EIF2S3B: variants seen among roughly 807,000 people sequenced by gnomAD.
EIF2S3B encodes the protein eukaryotic translation initiation factor 2 subunit gamma B.
Under a neutral mutation model 26.4 loss-of-function variants are expected in EIF2S3B, and 16 were observed. The observed-to-expected ratio is 0.61, with a 90% CI of 0.41 to 0.92. The LOEUF is 0.92. EIF2S3B is among the 40% of genes least tolerant of loss of function. The pLI, the probability that EIF2S3B is intolerant of heterozygous loss-of-function variation, is 0.00. For synonymous variants in EIF2S3B, 183 were observed against 204.4 expected (o/e 0.90, Z 0.89); for missense variants, 510 against 575.5 (o/e 0.89, Z 1.16).
downstream of EIF2S3B, among the ~76,000 whole-genome samples, chr12:10,508,845 T>C (rs776974503): frequency 3.8e-4 from 58 of 152,080 alleles, no homozygotes; most frequent in Non-Finnish European, 8.8e-5. Flanking sequence ...TATAAAAACT[T>C]GCGTGTACAT....
At chr12:10,516,761 T>C (rs930645307) in intron 1 of EIF2S3B, among the ~76,000 whole-genome samples, 1 of 152,024 alleles carries the variant, frequency 6.6e-6, no homozygotes, top group Admixed American at 6.6e-5. Flanking sequence ...CATAGATAGC[T>C]CTTATTATTT....
In EIF2S3B at chr12:10,507,365, C is replaced by G. The variant is rs10772300; in HGVS notation, c.*44C>G. 1,605,683 of 1,609,264 alleles carry G rather than the reference C, an allele frequency of 1. 801,111 individuals carry two copies. The highest frequency in any genetic ancestry group is 1 in the East Asian group (44,854 of 44,854). On this transcript the variant is annotated 3_prime_UTR_variant, in exon 1 of 1. Coordinates refer to ENST00000538173, the MANE Select transcript of EIF2S3B (RefSeq NM_001357734.3). ...TACATTCGGATGGAGCTGGAAGTTG[C>G]AATTTCTCTTTAACAACCAAGGGGT... is the stretch of plus-strand genomic sequence containing the variant.
exon 2 of EIF2S3B, chr12:10,522,675 A>G: frequency 1.4e-6 from 1 of 696,354 alleles, no homozygotes; most frequent in Non-Finnish European, 2.6e-6. Context: ...GACACAGAGG[A>G]AGTCTGCAGC....
downstream of EIF2S3B, among the ~76,000 whole-genome samples, chr12:10,508,525 C>CAAAA: frequency 1.4e-3 from 87 of 62,986 alleles, no homozygotes; most frequent in Middle Eastern, 0.014. Flanking sequence ...TGTTAGAAAG[C>CAAAA]AAAAAAAAAA....
rs1409777906 is a variant in EIF2S3B, at chr12:10,508,370, T to C, written c.*1049T>C. 6.6e-6 allele frequency among the ~76,000 whole-genome samples: 1 copy of C among 151,980 alleles called. No individual in the cohort carries two copies. The highest frequency in any genetic ancestry group is 6.6e-5 in the Admixed American group (1 of 15,250). On this transcript the variant is annotated 3_prime_UTR_variant, in exon 1 of 1. Coordinates refer to ENST00000538173, the MANE Select transcript of EIF2S3B (RefSeq NM_001357734.3). ...CCAATAGTCTTCCTCCATTGGAAAATACTGTTATACCAAATAATTCTAGAT... is the reference window on the plus strand; with the variant it reads ...CCAATAGTCTTCCTCCATTGGAAAACACTGTTATACCAAATAATTCTAGAT...
At chr12:10,517,960 A>C (rs1390531197) in intron 1 of EIF2S3B, among the ~76,000 whole-genome samples, 39 of 151,972 alleles carry the variant, frequency 2.6e-4, no homozygotes, top group African/African-American at 8.9e-4. Context: ...GTTTGATTGC[A>C]CTGTGGTCTG....
intron 1 of EIF2S3B, among the ~76,000 whole-genome samples, chr12:10,513,715 CAT>C (rs1864727321): frequency 6.6e-6 from 1 of 152,126 alleles, no homozygotes; most frequent in Non-Finnish European, 1.5e-5. Flanking sequence ...CCTTTAATAA[CAT>C]ATAAGAATCA....
chr12:10,514,341 T>A (rs1864734206), intron 1 of EIF2S3B, among the ~76,000 whole-genome samples: 3 of 152,158 alleles, frequency 2.0e-5, no homozygotes, highest in Admixed American at 1.3e-4. Flanking sequence ...CATAATATAA[T>A]ACTCCCTGAT....
At chr12:10,512,692 AG>A (rs1368241694), downstream of EIF2S3B, among the ~76,000 whole-genome samples, 1 of 152,062 alleles carries the variant, frequency 6.6e-6, no homozygotes, top group Non-Finnish European at 1.5e-5. Flanking sequence ...TTCCATCCCT[AG>A]TGTGGATATC....
intron 1 of EIF2S3B, among the ~76,000 whole-genome samples, chr12:10,521,013 T>G (rs949024606): frequency 6.6e-5 from 10 of 152,198 alleles, no homozygotes; most frequent in African/African-American, 2.4e-4. Flanking sequence ...GGCTGTCTTT[T>G]AGGTAATTTA....
At chr12:10,515,874 T>C (rs4237927) in intron 1 of EIF2S3B, among the ~76,000 whole-genome samples, 85,090 of 150,888 alleles carry the variant, frequency 0.56, 24,412 homozygotes, top group East Asian at 0.75. Flanking sequence ...TGTGTGTATA[T>C]TATATACATA....
In EIF2S3B at chr12:10,507,108, A is replaced by C. The variant is rs762295000; in HGVS notation, c.1206A>C (p.Glu402Asp). 1 of 1,613,732 alleles carries C rather than the reference A, an allele frequency of 6.2e-7. No individual in the cohort carries two copies. The highest frequency in any genetic ancestry group is 1.3e-5 in the African/African-American group (1 of 74,922). ...AGGTTCAAAAGCTGTCTAAGAATGA[A>C]GTGCTCATGGTGAACATAGGATCCC... is the stretch of plus-strand genomic sequence containing the variant. ...AAKVQKLSKN[E>D]VLMVNIGSLS... The change falls in exon 1 of 1, where the codon GAA becomes GAC. Residue 402 changes from glutamate (E) to aspartate (D), a missense_variant. Glu to Asp is a conservative substitution (Grantham distance 45, BLOSUM62 2). Transcript: ENST00000538173.
chr12:10,511,510 G>A (rs1864704182), downstream of EIF2S3B, among the ~76,000 whole-genome samples: 1 of 152,060 alleles, frequency 6.6e-6, no homozygotes, highest in African/African-American at 2.4e-5. Flanking sequence ...TGGAAGTACA[G>A]TCTGGGAAAA....
chr12:10,507,101 A>C lies in EIF2S3B; in HGVS notation c.1199A>C (p.Lys400Thr). 1.2e-6 allele frequency: 2 copies of C among 1,613,876 alleles called. No homozygotes were observed. Among genetic ancestry groups the C allele is most frequent in the Non-Finnish European group, 1.7e-6 (2 of 1,179,708 alleles). ...KKAAKVQKLS[K>T]NEVLMVNIGS... ...GCAGCAAAGGTTCAAAAGCTGTCTA[A>C]GAATGAAGTGCTCATGGTGAACATA... The change falls in exon 1 of 1, where the codon AAG becomes ACG. Residue 400 changes from lysine to threonine, a missense_variant. By Grantham distance (78) the Lys-to-Thr change is moderately conservative. Transcript: ENST00000538173.
At position 10,506,966 on chromosome 12, in the gene EIF2S3B, G is replaced by A. The variant is rs1285494028; in HGVS notation, c.1064G>A (p.Gly355Glu). The A allele has an allele frequency of 6.2e-7, 1 of 1,613,818 alleles. No individual in the cohort carries two copies. The highest frequency in any genetic ancestry group is 1.1e-5 in the South Asian group (1 of 91,076). Residue 355 changes from glycine to glutamate, a missense_variant, in exon 1 of 1, where the codon GGG becomes GAG. Physicochemically the swap from Gly to Glu is moderately conservative, Grantham distance 98. Transcript: ENST00000538173. ...PTLCRADRMV[G>E]QILGAVGALP... The stretch of plus-strand genomic sequence containing the variant: ...TTGTGCCGGGCTGACAGAATGGTGG[G>A]GCAAATACTTGGTGCAGTCGGAGCT...
chr12:10,515,639 G>A (rs1343405604), intron 1 of EIF2S3B, among the ~76,000 whole-genome samples: 1 of 151,784 alleles, frequency 6.6e-6, no homozygotes, highest in Admixed American at 6.6e-5. Context: ...TGTATAGAAA[G>A]GACATCAAAT....
At chr12:10,515,762 G>C (rs1565528541) in intron 1 of EIF2S3B, among the ~76,000 whole-genome samples, 1 of 151,532 alleles carries the variant, frequency 6.6e-6, no homozygotes, top group Non-Finnish European at 1.5e-5. Flanking sequence ...AAAAAACTTA[G>C]TGTTATTTTA....
chr12:10,507,136 T>C lies in EIF2S3B; in HGVS notation c.1234T>C (p.Ser412Pro), dbSNP rs764674327. 2 of 1,613,722 alleles carry C rather than the reference T, an allele frequency of 1.2e-6. No individual in the cohort carries two copies. Among genetic ancestry groups the C allele is most frequent in the Non-Finnish European group, 1.7e-6 (2 of 1,179,720 alleles). Residue 412 changes from serine to proline, a missense_variant, in exon 1 of 1, where the codon TCG (serine) becomes CCG (proline). Transcript: ENST00000538173. ...GCTCATGGTGAACATAGGATCCCTG[T>C]CGACAGGAGGGAGAGTTAGTGCTGT... ...EVLMVNIGSL[S>P]TGGRVSAVKA... is the part of the protein sequence containing the mutation.
At chr12:10,519,639 C>G (rs2137956215) in intron 1 of EIF2S3B, among the ~76,000 whole-genome samples, 1 of 152,244 alleles carries the variant, frequency 6.6e-6, no homozygotes, top group South Asian at 2.1e-4. Flanking sequence ...CCAGAATCTA[C>G]AATGAACTCA....
Sources: allele counts gnomAD v4.1 joint callset (sites outside exome capture counted in the v4.1 genomes callset), GRCh38; gene constraint gnomAD v4.1.1; transcripts MANE v1.5; gene names NCBI Gene and HGNC (gene_info 2026-07-23, HGNC 2026-07-21).